Variants in PHACTR3 observed in about 807,000 individuals in gnomAD.
PHACTR3 encodes the protein protein phosphatase 1, regulatory subunit 123.
In PHACTR3, 16 loss-of-function variants were observed where a neutral mutation model predicts 66.8. The observed-to-expected ratio is 0.24, with a 90% confidence interval of 0.16 to 0.36. The LOEUF is 0.36. PHACTR3 is among the 10% of genes least tolerant of loss of function. The pLI, the probability that PHACTR3 is intolerant of heterozygous loss-of-function variation, is 1.00. For synonymous variants in PHACTR3, 323 were observed against 292.1 expected (o/e 1.11, Z -1.08); for missense variants, 647 against 719.9 (o/e 0.90, Z 1.16).
At chr20:59,816,296 ACCT>A (rs2041886256) in intron 8 of PHACTR3, among the ~76,000 whole-genome samples, 2 of 152,062 alleles carry the variant, frequency 1.3e-5, no homozygotes, top group African/African-American at 4.8e-5. Flanking sequence ...GCCACTACTC[ACCT>A]CCTGCTGTGT....
intron 1 of PHACTR3, among the ~76,000 whole-genome samples, chr20:59,680,877 G>A (rs1027717225): frequency 1.3e-5 from 2 of 152,128 alleles, no homozygotes; most frequent in Admixed American, 6.5e-5. Context: ...CAGATCTCTG[G>A]GTGGGCCACT....
intron 1 of PHACTR3, among the ~76,000 whole-genome samples, chr20:59,661,469 C>T (rs1055328841): frequency 5.3e-5 from 8 of 152,268 alleles, no homozygotes; most frequent in Non-Finnish European, 1.0e-4. Flanking sequence ...CACATACTCT[C>T]CTTCACCCTC....
intron 7 of PHACTR3, among the ~76,000 whole-genome samples, chr20:59,779,485 A>G (rs557539429): frequency 6.6e-6 from 1 of 152,304 alleles, no homozygotes; most frequent in South Asian, 2.1e-4. Context: ...CCCCATTCCC[A>G]CTGTCTCGCC....
chr20:59,697,985 CA>C (rs142288179), intron 1 of PHACTR3, among the ~76,000 whole-genome samples: 1,854 of 152,250 alleles, frequency 0.012, 47 homozygotes, highest in African/African-American at 0.04. Context: ...ATTGGAAAAA[CA>C]AATGCTTTGA....
rs774441588 is a variant in PHACTR3, at chr20:59,751,944, A to G, written c.359-3238A>G. ...TCCCCAGCCCACGTTTCTCTGTGCT[A>G]GACACTGTTTATGTTCTGAATGACT... On this transcript the variant is annotated intron_variant, in intron 3 of 12. Transcript: ENST00000371015. Among the ~76,000 whole-genome samples the G allele has an allele frequency of 7.9e-4, 120 of 152,206 alleles. 2 individuals are homozygous for G. Among genetic ancestry groups the G allele is most frequent in the Non-Finnish European group, 2.4e-4 (16 of 67,986 alleles).
chr20:59,726,451 G>C (rs763351483), intron 1 of PHACTR3, among the ~76,000 whole-genome samples: 44 of 152,174 alleles, frequency 2.9e-4, no homozygotes, highest in Non-Finnish European at 5.3e-4. Flanking sequence ...CTCGCCACCA[G>C]GTCAAGCCAG....
chr20:59,722,781 G>T (rs1233429585), intron 1 of PHACTR3, among the ~76,000 whole-genome samples: 1 of 151,658 alleles, frequency 6.6e-6, no homozygotes, highest in Non-Finnish European at 1.5e-5. Flanking sequence ...TTTGGGAGAG[G>T]TTAGCAAATA....
chr20:59,693,751 C>G (rs2037193834), intron 1 of PHACTR3, among the ~76,000 whole-genome samples: 1 of 152,186 alleles, frequency 6.6e-6, no homozygotes, highest in Non-Finnish European at 1.5e-5. Flanking sequence ...CTGGGTATAA[C>G]ACTGTCAGAT....
chr20:59,723,340 T>C (rs1390768975), intron 1 of PHACTR3, among the ~76,000 whole-genome samples: 1 of 152,046 alleles, frequency 6.6e-6, no homozygotes, highest in African/African-American at 2.4e-5. Context: ...TCTGTCTCTC[T>C]GGACACTTCA....
intron 4 of PHACTR3, among the ~76,000 whole-genome samples, chr20:59,757,493 G>C (rs2039841822): frequency 6.6e-6 from 1 of 151,262 alleles, no homozygotes; most frequent in Admixed American, 6.6e-5. Context: ...GCAAAGACAG[G>C]GGACAGGAAC....
At chr20:59,837,068 G>A (rs1020020184) in intron 9 of PHACTR3, among the ~76,000 whole-genome samples, 6 of 152,170 alleles carry the variant, frequency 3.9e-5, no homozygotes, top group Non-Finnish European at 7.3e-5. Flanking sequence ...TGCATTTCCC[G>A]TTAGGTGGAC....
At chr20:59,605,846 C>CGGGGGGGGGGGGGGGGGGG (rs200107140) in intron 1 of PHACTR3, among the ~76,000 whole-genome samples, 1 of 7,762 alleles carries the variant, frequency 1.3e-4, no homozygotes, top group African/African-American at 9.2e-4. Flanking sequence ...CCTAATAAAG[C>CGGGGGGGGGGGGGGGGGGG]GGGGGGGGAG....
chr20:59,847,250 T>C lies in PHACTR3; in HGVS notation c.*120T>C. On this transcript the variant is annotated 3_prime_UTR_variant, in exon 13 of 13. Coordinates refer to ENST00000371015, the MANE Select transcript of PHACTR3 (RefSeq NM_080672.5). ...CTACCTGCTGTGTTTGTGAGAAGAGTAGGATCACACACACAGGTGCAATCT... is the reference window on the plus strand; with the variant it reads ...CTACCTGCTGTGTTTGTGAGAAGAGCAGGATCACACACACAGGTGCAATCT... 1 of 689,852 alleles carries C rather than the reference T, an allele frequency of 1.4e-6. No homozygotes were observed. Among genetic ancestry groups the C allele is most frequent in the Non-Finnish European group, 2.5e-6 (1 of 399,758 alleles). The allele number at this position is 689,852 out of a possible 1,614,324, so 42.7% of individuals were successfully genotyped here.
chr20:59,744,971 G>A (rs1246593485), intron 2 of PHACTR3, among the ~76,000 whole-genome samples: 1 of 152,192 alleles, frequency 6.6e-6, no homozygotes, highest in Non-Finnish European at 1.5e-5. Flanking sequence ...TTGTTCCCCT[G>A]CATCTGGCAG....
At chr20:59,623,108 G>A (rs2034318614) in intron 1 of PHACTR3, among the ~76,000 whole-genome samples, 1 of 150,026 alleles carries the variant, frequency 6.7e-6, no homozygotes, top group African/African-American at 2.5e-5. Flanking sequence ...GAAAATAAAT[G>A]TTTTTTTGTG....
At chr20:59,670,347 A>G (rs935969236) in intron 1 of PHACTR3, among the ~76,000 whole-genome samples, 7 of 152,222 alleles carry the variant, frequency 4.6e-5, no homozygotes, top group South Asian at 4.1e-4. Flanking sequence ...AAGTTCAGAA[A>G]TGGGTGGACT....
chr20:59,773,461 C>G lies in PHACTR3; in HGVS notation c.926+8C>G. The G allele has an allele frequency of 6.3e-7, 1 of 1,597,930 alleles. No homozygotes were observed. The highest frequency in any genetic ancestry group is 1.1e-5 in the South Asian group (1 of 89,320). On this transcript the variant is annotated splice_region_variant and intron_variant, in intron 6 of 12. Transcript: ENST00000371015. The stretch of plus-strand genomic sequence containing the variant: ...GAAGCACCGCCAGGACAGGTGAGGC[C>G]CTGCCCCATGAGGGAGACCTGTGCT...
chr20:59,781,106 C>G (rs1047245862), intron 7 of PHACTR3, among the ~76,000 whole-genome samples: 1 of 152,236 alleles, frequency 6.6e-6, no homozygotes, highest in Non-Finnish European at 1.5e-5. Context: ...CCTCATTCCT[C>G]GGCCAATTCA....
In PHACTR3 at chr20:59,605,149, G is replaced by A. The variant is rs1270727001; in HGVS notation, c.118+17G>A. On this transcript the variant is annotated intron_variant, in intron 1 of 12. Transcript: ENST00000371015. Reference sequence around the variant, plus strand: ...AGAACCCAGGTAACGGGCTGGGCGGGGGCGGCGGGCGGGTCGGGGAGGCCC... The same window carrying A: ...AGAACCCAGGTAACGGGCTGGGCGGAGGCGGCGGGCGGGTCGGGGAGGCCC... The A allele has an allele frequency of 9.2e-6, 12 of 1,298,492 alleles. No homozygotes were observed. Among genetic ancestry groups the A allele is most frequent in the Admixed American group, 4.1e-5 (1 of 24,528 alleles). 80.4% of individuals were successfully genotyped at this position (1,298,492 alleles called of 1,614,324 possible).
Sources: allele counts gnomAD v4.1 joint callset (sites outside exome capture counted in the v4.1 genomes callset), GRCh38; gene constraint gnomAD v4.1.1; transcripts MANE v1.5; gene names NCBI Gene and HGNC (gene_info 2026-07-23, HGNC 2026-07-21).